BNC2: variants seen among roughly 807,000 people sequenced by gnomAD.
The protein encoded by BNC2 is basonuclin zinc finger protein 2, also known as zinc finger protein basonuclin-2.
A neutral mutation model predicts 76.3 loss-of-function variants in BNC2; 20 were observed. That is an observed-to-expected ratio of 0.26 (90% CI 0.18 to 0.38). The LOEUF is 0.38. BNC2 is among the 10% of genes least tolerant of loss of function. The pLI is 1.00. For synonymous variants in BNC2, 582 were observed against 514.8 expected (o/e 1.13, Z -1.77); for missense variants, 1,382 against 1,399.8 (o/e 0.99, Z 0.20).
chr9:16,779,130 A>AGAAAAAG (rs1554729001), intron 1 of BNC2, among the ~76,000 whole-genome samples: 4 of 87,630 alleles, frequency 4.6e-5, no homozygotes, highest in Non-Finnish European at 6.6e-5. Flanking sequence ...AAAAAAAAAA[A>AGAAAAAG]AAAAGAAAAG....
rs1455774362 is a variant in BNC2, at chr9:16,411,056, G to C, written c.*7933C>G. The C allele has an allele frequency of 1.3e-5, 2 of 152,208 alleles. No individual in the cohort carries two copies. The highest frequency in any genetic ancestry group is 3.9e-4 in the East Asian group (2 of 5,188). 9.4% of individuals were successfully genotyped at this position (152,208 alleles called of 1,614,324 possible). A position where few individuals can be genotyped will look rare whatever the true frequency, so the allele number is the denominator to read the frequency against. On this transcript the variant is annotated 3_prime_UTR_variant, in exon 7 of 7. Coordinates refer to ENST00000380672, the MANE Select transcript of BNC2 (RefSeq NM_017637.6). ...AGGCAGTGAGGCTCCCACTGAAACA[G>C]TGCCAGGTCAGTTCACCTTGCAGGG...
intron 3 of BNC2, among the ~76,000 whole-genome samples, chr9:16,608,947 G>A (rs973328929): frequency 6.6e-6 from 1 of 152,070 alleles, no homozygotes; most frequent in African/African-American, 2.4e-5. Flanking sequence ...TGTACTTAAG[G>A]TTCCTAAACA....
At chr9:16,806,229 G>A (rs971615578) in intron 1 of BNC2, among the ~76,000 whole-genome samples, 3 of 152,136 alleles carry the variant, frequency 2.0e-5, no homozygotes, top group Non-Finnish European at 4.4e-5. Flanking sequence ...TAATCCCAGC[G>A]TTCTGGGAGG....
intron 1 of BNC2, among the ~76,000 whole-genome samples, chr9:16,847,317 T>C (rs1029319754): frequency 6.7e-6 from 1 of 148,742 alleles, no homozygotes; most frequent in African/African-American, 2.5e-5. Flanking sequence ...TTTATTTATT[T>C]AAAACTTGCC....
chr9:16,563,727 T>C (rs184013453), intron 4 of BNC2, among the ~76,000 whole-genome samples: 4 of 152,316 alleles, frequency 2.6e-5, no homozygotes, highest in African/African-American at 4.8e-5. Flanking sequence ...AAATGAAAAT[T>C]GGGACTAGAA....
At position 16,827,226 on chromosome 9, in the gene BNC2, A is replaced by C. The variant is rs141101266; in HGVS notation, c.3+43420T>G. 7.8e-4 allele frequency among the ~76,000 whole-genome samples: 119 copies of C among 152,340 alleles called. 1 individual carries two copies. The highest frequency in any genetic ancestry group is 2.8e-3 in the African/African-American group (117 of 41,584). ...GATACATATTTGCCCAAGTAATTGA[A>C]GCCCTACAAGGCACCACAGTTAATA... On this transcript the variant is annotated intron_variant, in intron 1 of 6. Transcript: ENST00000380672.
At chr9:16,665,583 C>G (rs1319406347) in intron 3 of BNC2, among the ~76,000 whole-genome samples, 2 of 152,140 alleles carry the variant, frequency 1.3e-5, no homozygotes, top group African/African-American at 4.8e-5. Context: ...CCATTTGACA[C>G]TATTTTATGC....
chr9:16,568,264 C>G (rs73419430), intron 4 of BNC2, among the ~76,000 whole-genome samples: 9,812 of 152,090 alleles, frequency 0.065, 1,101 homozygotes, highest in African/African-American at 0.22. Context: ...TCCACGATTA[C>G]TTTAAGAGTT....
intron 3 of BNC2, among the ~76,000 whole-genome samples, chr9:16,711,282 G>C (rs530204327): frequency 9.4e-4 from 143 of 152,254 alleles, no homozygotes; most frequent in Non-Finnish European, 1.9e-3. Flanking sequence ...GGAAGGGGGG[G>C]CGGTTGTTAC....
rs112694802 is a variant in BNC2 at position 16,637,703 on chromosome 9, A to C, written c.331-54618T>G. Among the ~76,000 whole-genome samples the C allele has an allele frequency of 9.2e-3, 1,406 of 152,326 alleles. 25 individuals carry two copies. Among genetic ancestry groups the C allele is most frequent in the African/African-American group, 0.033 (1,354 of 41,570 alleles). ...GTACACACAACCATGCATCTAACACACCTGTAGGGCAAAGCAGGCCTCACC... is the reference window on the plus strand; with the variant it reads ...GTACACACAACCATGCATCTAACACCCCTGTAGGGCAAAGCAGGCCTCACC... On this transcript the variant is annotated intron_variant, in intron 3 of 6. Coordinates refer to ENST00000380672, the MANE Select transcript of BNC2 (RefSeq NM_017637.6).
At chr9:16,478,742 G>A (rs551564270) in intron 5 of BNC2, among the ~76,000 whole-genome samples, 7 of 152,196 alleles carry the variant, frequency 4.6e-5, no homozygotes, top group African/African-American at 1.7e-4. Context: ...TAACCATACA[G>A]CTGCTGGCAA....
chr9:16,845,531 C>T (rs541054804), intron 1 of BNC2, among the ~76,000 whole-genome samples: 1 of 151,790 alleles, frequency 6.6e-6, no homozygotes, highest in Non-Finnish European at 1.5e-5. Context: ...ACCATCCTGG[C>T]TAACACAGTG....
Position 16,491,665 on chromosome 9 carries a change from G to C in BNC2, c.670-54141C>G, listed in dbSNP as rs182682260. Among the ~76,000 whole-genome samples, 231 of 152,282 alleles carry C rather than the reference G, an allele frequency of 1.5e-3. 1 individual carries two copies. Among genetic ancestry groups the C allele is most frequent in the African/African-American group, 5.1e-3 (212 of 41,570 alleles). On this transcript the variant is annotated intron_variant, in intron 5 of 6. Transcript: ENST00000380672. ...GATGGAAATTTATCCAACTGAAAAA[G>C]TCAAGTGAGCAGCTGAAGATATGCA...
intron 3 of BNC2, among the ~76,000 whole-genome samples, chr9:16,672,511 G>A (rs76770623): frequency 0.019 from 2,849 of 152,054 alleles, 93 homozygotes; most frequent in African/African-American, 0.064. Flanking sequence ...AAAAGAAAAT[G>A]TTTAACATCA....
At chr9:16,524,530 A>C (rs1326497618) in intron 5 of BNC2, among the ~76,000 whole-genome samples, 2 of 152,084 alleles carry the variant, frequency 1.3e-5, no homozygotes, top group Non-Finnish European at 2.9e-5. Context: ...CTAAATACAC[A>C]TTCAGGATTA....
At chr9:16,844,118 TATAAG>T (rs2136109414) in intron 1 of BNC2, among the ~76,000 whole-genome samples, 1 of 151,614 alleles carries the variant, frequency 6.6e-6, no homozygotes, top group Non-Finnish European at 1.5e-5. Flanking sequence ...TAATAAATCT[TATAAG>T]AGTTTAGCAA....
At chr9:16,565,989 C>T (rs552118124) in intron 4 of BNC2, among the ~76,000 whole-genome samples, 112 of 152,248 alleles carry the variant, frequency 7.4e-4, no homozygotes, top group Middle Eastern at 6.8e-3. Flanking sequence ...AGCGAGGTTC[C>T]ATCCGTAAAG....
chr9:16,530,985 T>C (rs1390470487), intron 5 of BNC2, among the ~76,000 whole-genome samples: 1 of 152,182 alleles, frequency 6.6e-6, no homozygotes, highest in Non-Finnish European at 1.5e-5. Context: ...GTAGGCATAT[T>C]ACGAAACTTG....
chr9:16,677,913 T>C (rs1587306268), intron 3 of BNC2, among the ~76,000 whole-genome samples: 1 of 152,224 alleles, frequency 6.6e-6, no homozygotes, highest in East Asian at 1.9e-4. Context: ...ACCTAAATTT[T>C]ATAATTTTAC....
Sources: allele counts gnomAD v4.1 joint callset (sites outside exome capture counted in the v4.1 genomes callset), GRCh38; gene constraint gnomAD v4.1.1; transcripts MANE v1.5; gene names NCBI Gene and HGNC (gene_info 2026-07-23, HGNC 2026-07-21).